The following APP variants were observed in gnomAD, a reference collection of about 807,000 sequenced individuals.
APP encodes the protein amyloid beta precursor protein.
APP carries 31 observed loss-of-function variants against 101.4 expected under a neutral mutation model. The observed-to-expected ratio is 0.31, with a 90% CI of 0.23 to 0.41. APP has a LOEUF of 0.41. Among genes scored for constraint, APP ranks in the 10% least tolerant of loss-of-function variants. APP has a pLI of 1.00. For missense variants in APP, 839 were observed against 1,003.7 expected, an observed-to-expected ratio of 0.84 and a Z score of 2.22; for synonymous variants, 366 against 364.4, an observed-to-expected ratio of 1.00 and a Z score of -0.05.
At chr21:25,925,347 G>A (rs758041711) in intron 13 of APP, among the ~76,000 whole-genome samples, 3 of 152,094 alleles carry the variant, frequency 2.0e-5, no homozygotes, top group Admixed American at 6.5e-5. Context: ...GCTCGGGTTC[G>A]TCATCCGCAA....
At chr21:25,911,159 G>C (rs939645235) in intron 14 of APP, among the ~76,000 whole-genome samples, 1 of 152,250 alleles carries the variant, frequency 6.6e-6, no homozygotes, top group Non-Finnish European at 1.5e-5. Context: ...TTCCTCATTT[G>C]AAAAAGTCAT....
At chr21:25,915,611 C>T (rs544982596) in intron 13 of APP, among the ~76,000 whole-genome samples, 1 of 152,206 alleles carries the variant, frequency 6.6e-6, no homozygotes, top group East Asian at 1.9e-4. Context: ...ACTTAATCAC[C>T]GTTAGTCCTA....
chr21:25,915,290 T>G (rs1312551991), intron 13 of APP, among the ~76,000 whole-genome samples: 1 of 152,360 alleles, frequency 6.6e-6, no homozygotes, highest in East Asian at 1.9e-4. Context: ...TTATTTGAAC[T>G]CTTTAGAGCC....
At chr21:26,080,799 G>T (rs977900967) in intron 3 of APP, among the ~76,000 whole-genome samples, 1 of 151,002 alleles carries the variant, frequency 6.6e-6, no homozygotes, top group Non-Finnish European at 1.5e-5. Context: ...AAAAAATCCT[G>T]CTTTCCAAAG....
intron 3 of APP, among the ~76,000 whole-genome samples, chr21:26,061,223 T>C (rs1207398038): frequency 1.3e-5 from 2 of 152,200 alleles, no homozygotes; most frequent in Non-Finnish European, 2.9e-5. Flanking sequence ...AGCTAGAAGA[T>C]GCTTTATACT....
chr21:25,898,199 TATA>T (rs2038207257), intron 15 of APP, among the ~76,000 whole-genome samples: 2 of 152,334 alleles, frequency 1.3e-5, no homozygotes, highest in African/African-American at 4.8e-5. Context: ...GTAAAAATTA[TATA>T]ATTTTAGTCA....
At chr21:25,962,731 C>A (rs1481085966) in intron 11 of APP, among the ~76,000 whole-genome samples, 1 of 152,228 alleles carries the variant, frequency 6.6e-6, no homozygotes, top group Non-Finnish European at 1.5e-5. Flanking sequence ...CAAAACATCT[C>A]ACATATTGTG....
intron 5 of APP, among the ~76,000 whole-genome samples, chr21:26,028,617 A>T (rs1317118151): frequency 1.3e-5 from 2 of 152,186 alleles, no homozygotes; most frequent in Admixed American, 6.5e-5. Flanking sequence ...TGAAAGGCAT[A>T]TGTACAAATT....
Position 25,909,619 on chromosome 21 carries a change from T to C in APP, c.1909+2122A>G, listed in dbSNP as rs185337367. ...TACATTCACACGTGTGCACGCAGAT[T>C]TTCTCCTAAGGCTGATGCAACAAGG... On this transcript the variant is annotated intron_variant, in intron 14 of 17. Coordinates refer to ENST00000346798, the MANE Select transcript of APP (RefSeq NM_000484.4). Among the ~76,000 whole-genome samples, 3 of 152,332 alleles carry C rather than the reference T, an allele frequency of 2.0e-5. No homozygotes were observed. In the East Asian group the frequency reaches 5.8e-4, roughly 29 times the overall value.
chr21:26,069,978 G>A (rs2046610308), intron 3 of APP, among the ~76,000 whole-genome samples: 1 of 152,136 alleles, frequency 6.6e-6, no homozygotes, highest in Non-Finnish European at 1.5e-5. Flanking sequence ...CTTTTACCAG[G>A]CATTACAATA....
In APP at chr21:25,954,623, G is replaced by C. The variant is rs1000297744; in HGVS notation, c.1654C>G (p.Pro552Ala). The C allele has an allele frequency of 6.2e-7, 1 of 1,614,102 alleles. No individual in the cohort carries two copies. Among genetic ancestry groups the C allele is most frequent in the South Asian group, 1.1e-5 (1 of 91,058 alleles). ...TCCTGAATCTCCTCGGCCACTGCAG[G>C]CACGTTGTAGAGCAGGGAGAGAGAC... The part of the protein sequence containing the change: ...NQSLSLLYNV[P>A]AVAEEIQDEV... Residue 552 changes from proline to alanine, a missense_variant, in exon 13 of 18, where the codon CCT becomes GCT. Coordinates refer to ENST00000346798, the MANE Select transcript of APP (RefSeq NM_000484.4).
At chr21:25,959,357 T>C (rs1376657096) in intron 11 of APP, among the ~76,000 whole-genome samples, 1 of 152,138 alleles carries the variant, frequency 6.6e-6, no homozygotes, top group Non-Finnish European at 1.5e-5. Flanking sequence ...TGTTTGAACC[T>C]GGGAGGCGGA....
chr21:25,985,573 T>C (rs1421833187), intron 8 of APP, among the ~76,000 whole-genome samples: 3 of 152,194 alleles, frequency 2.0e-5, no homozygotes, highest in Non-Finnish European at 4.4e-5. Flanking sequence ...GACTAAATCA[T>C]ACCACCAGCT....
At chr21:26,149,628 C>T (rs1177209906) in intron 1 of APP, among the ~76,000 whole-genome samples, 1 of 152,220 alleles carries the variant, frequency 6.6e-6, no homozygotes, top group Non-Finnish European at 1.5e-5. Context: ...TTCTCCCTGT[C>T]TTAAATTTTA....
At chr21:26,156,486 T>A (rs1428269243) in intron 1 of APP, among the ~76,000 whole-genome samples, 2 of 152,192 alleles carry the variant, frequency 1.3e-5, no homozygotes, top group East Asian at 3.8e-4. Context: ...GCCAACCTTT[T>A]CAGTTCAATG....
At chr21:26,140,118 C>A in intron 1 of APP, 1 of 1,434,294 alleles carries the variant, frequency 7.0e-7, no homozygotes, top group South Asian at 1.2e-5. Context: ...CAAATACAGA[C>A]TAAAAACAAT....
intron 3 of APP, among the ~76,000 whole-genome samples, chr21:26,066,241 G>A (rs2046448391): frequency 6.6e-6 from 1 of 152,140 alleles, no homozygotes; most frequent in African/African-American, 2.4e-5. Flanking sequence ...CCGGCAGTAA[G>A]GGTCTACTTA....
intron 13 of APP, chr21:25,942,330 T>C (rs1431677823): frequency 2.0e-5 from 3 of 152,194 alleles, no homozygotes; most frequent in Non-Finnish European, 4.4e-5. Context: ...ATAGATTCAG[T>C]CTTTAGTCTT....
chr21:26,004,726 A>G (rs1349702007), intron 6 of APP, among the ~76,000 whole-genome samples: 1 of 152,156 alleles, frequency 6.6e-6, no homozygotes, highest in Non-Finnish European at 1.5e-5. Context: ...ATAGGTATAC[A>G]TGTGCCATGT....
Sources: gnomAD v4.1 joint callset for allele counts (sites outside exome capture counted in the v4.1 genomes callset) on GRCh38, gnomAD v4.1.1 for gene constraint, MANE v1.5 for transcripts, NCBI Gene and HGNC (gene_info 2026-07-23, HGNC 2026-07-21) for gene names.